Variants in ANKFN1 observed in about 807,000 individuals in gnomAD.
ANKFN1 encodes the protein ankyrin repeat and fibronectin type-III domain-containing protein 1.
ANKFN1 carries 74 observed loss-of-function variants against 108.7 expected under a neutral mutation model. The ratio of observed to expected loss-of-function variants is 0.68; its 90% confidence interval spans 0.56 to 0.83. The LOEUF is 0.83. Among genes scored for constraint, ANKFN1 ranks in the 40% least tolerant of loss-of-function variants. The pLI, the probability that ANKFN1 is intolerant of heterozygous loss-of-function variation, is 0.00. For missense variants in ANKFN1, 1,505 were observed against 1,382.3 expected (o/e 1.09, Z -1.41); for synonymous variants, 547 against 516.2 (o/e 1.06, Z -0.81).
At position 56,374,781 on chromosome 17, in the gene ANKFN1, A is replaced by G. The variant is rs142319233; in HGVS notation, c.910+67A>G. On this transcript the variant is annotated intron_variant, in intron 8 of 20. Transcript: ENST00000682825. The stretch of plus-strand genomic sequence containing the variant: ...AAGCATCTGCTGTTTGAGAATCAAT[A>G]GTGCATTTTGTGTGTTTGTTTTTCC... The G allele has an allele frequency of 5.4e-6, 7 of 1,287,516 alleles. 1 individual carries two copies. Among genetic ancestry groups the G allele is most frequent in the Middle Eastern group, 1.9e-4 (1 of 5,358 alleles). 79.8% of individuals were successfully genotyped at this position (1,287,516 alleles called of 1,614,324 possible). A position where few individuals can be genotyped will look rare whatever the true frequency, so the allele number is the denominator to read the frequency against.
intron 8 of ANKFN1, among the ~76,000 whole-genome samples, chr17:56,408,439 C>G (rs1488898021): frequency 6.6e-6 from 1 of 152,068 alleles, no homozygotes; most frequent in African/African-American, 2.4e-5. Context: ...AAATTACTAG[C>G]AGTGGATTAG....
chr17:56,189,983 T>A (rs1912725907), intron 1 of ANKFN1, among the ~76,000 whole-genome samples: 1 of 130,842 alleles, frequency 7.6e-6, no homozygotes, highest in African/African-American at 3.0e-5. Context: ...CTGGGACAAC[T>A]GGACATCCAT....
At chr17:56,144,382 G>T (rs1908128501) in intron 4 of ANKFN1, among the ~76,000 whole-genome samples, 1 of 151,808 alleles carries the variant, frequency 6.6e-6, no homozygotes, top group South Asian at 2.1e-4. Flanking sequence ...TAGAACTATT[G>T]GGTGATGGGA....
intron 1 of ANKFN1, among the ~76,000 whole-genome samples, chr17:56,203,860 T>C (rs1253046638): frequency 6.6e-6 from 1 of 152,154 alleles, no homozygotes; most frequent in Non-Finnish European, 1.5e-5. Flanking sequence ...CCGGGGCATC[T>C]ATTTTTATTA....
rs536258263 is a variant in ANKFN1 at position 56,422,090 on chromosome 17, A to G, written c.911-18237A>G. On this transcript the variant is annotated intron_variant, in intron 8 of 20. Transcript: ENST00000682825. The stretch of plus-strand genomic sequence containing the variant: ...CAAAGTCTTCTGAAAATAAAAACTA[A>G]TTTTATCCAAATGTATATATAATTT... Among the ~76,000 whole-genome samples the G allele has an allele frequency of 2.8e-3, 419 of 152,300 alleles. 4 individuals are homozygous for G. Among genetic ancestry groups the G allele is most frequent in the South Asian group, 0.022 (106 of 4,828 alleles).
chr17:56,250,451 G>T (rs1239718546), intron 3 of ANKFN1, among the ~76,000 whole-genome samples: 2 of 152,206 alleles, frequency 1.3e-5, no homozygotes, highest in Non-Finnish European at 2.9e-5. Context: ...TTCTTTAACT[G>T]ACATGTTCCT....
At chr17:56,430,531 C>T (rs191328236) in intron 8 of ANKFN1, among the ~76,000 whole-genome samples, 109 of 151,720 alleles carry the variant, frequency 7.2e-4, no homozygotes, top group Non-Finnish European at 2.7e-4. Context: ...CACACACACA[C>T]ACACACAAAG....
intron 8 of ANKFN1, among the ~76,000 whole-genome samples, chr17:56,422,431 G>A (rs1247505895): frequency 6.6e-6 from 1 of 151,294 alleles, no homozygotes; most frequent in African/African-American, 2.4e-5. Context: ...CACCCCTGCT[G>A]CCACCACACA....
At chr17:56,355,325 A>G (rs940370596) in intron 6 of ANKFN1, among the ~76,000 whole-genome samples, 8 of 152,168 alleles carry the variant, frequency 5.3e-5, no homozygotes, top group Non-Finnish European at 7.3e-5. Flanking sequence ...AGAAGATATG[A>G]AGGAATGAAC....
intron 17 of ANKFN1, 82 bp from the exon 18 acceptor site, chr17:56,482,274 T>C: frequency 8.0e-7 from 1 of 1,246,378 alleles, no homozygotes; most frequent in Non-Finnish European, 1.1e-6. Flanking sequence ...TTTTGTGAGA[T>C]GTTTTATGCC....
intron 3 of ANKFN1, among the ~76,000 whole-genome samples, chr17:56,310,748 T>TTG (rs71137198): frequency 0.29 from 43,142 of 150,078 alleles, 6,441 homozygotes; most frequent in Middle Eastern, 0.51. Flanking sequence ...CACAATTACT[T>TTG]TGTGTGTGTG....
chr17:56,425,593 T>C (rs1374177199), intron 8 of ANKFN1, among the ~76,000 whole-genome samples: 1 of 152,234 alleles, frequency 6.6e-6, no homozygotes, highest in African/African-American at 2.4e-5. Context: ...TCTCTTCTCC[T>C]GTTCCTTGTA....
chr17:56,491,526 TG>T (rs2051039165), intron 18 of ANKFN1, among the ~76,000 whole-genome samples: 1 of 152,204 alleles, frequency 6.6e-6, no homozygotes, highest in Non-Finnish European at 1.5e-5. Context: ...CTCTTTCCTG[TG>T]ATATCTGTCC....
chr17:56,305,445 C>T (rs1318768166), intron 3 of ANKFN1, among the ~76,000 whole-genome samples: 2 of 152,166 alleles, frequency 1.3e-5, no homozygotes, highest in Non-Finnish European at 2.9e-5. Context: ...TATGTATCCT[C>T]TTCAGTGAAA....
chr17:56,271,727 A>G lies in ANKFN1; in HGVS notation c.53+43770A>G, dbSNP rs184522297. Among the ~76,000 whole-genome samples the G allele has an allele frequency of 1.7e-3, 260 of 151,570 alleles. 1 individual carries two copies. The highest frequency in any genetic ancestry group is 5.8e-3 in the African/African-American group (238 of 40,844). The stretch of plus-strand genomic sequence containing the variant: ...TTGGAATATTAGAAGGCTTGATGCT[A>G]TAAGACAAGTTGGGACATGGACCTG... On this transcript the variant is annotated intron_variant, in intron 3 of 20. Transcript: ENST00000682825.
intron 3 of ANKFN1, among the ~76,000 whole-genome samples, chr17:56,293,032 A>G (rs1210128592): frequency 6.6e-6 from 1 of 152,202 alleles, no homozygotes; most frequent in East Asian, 1.9e-4. Flanking sequence ...ATGGTCATCA[A>G]TTTTATGACT....
rs556675229 is a variant in ANKFN1 at position 56,417,786 on chromosome 17, A to G, written c.911-22541A>G. Among the ~76,000 whole-genome samples the G allele has an allele frequency of 2.7e-3, 411 of 152,332 alleles. 1 individual carries two copies. Among genetic ancestry groups the G allele is most frequent in the African/African-American group, 9.2e-3 (384 of 41,568 alleles). On this transcript the variant is annotated intron_variant, in intron 8 of 20. Transcript: ENST00000682825. ...CTTCCTATTCCATCATGTTGCTGAC[A>G]TCACTCTAGACTTTCCATTTTTTTG...
chr17:56,228,109 A>G lies in ANKFN1; in HGVS notation c.53+152A>G, dbSNP rs549415350. On this transcript the variant is annotated intron_variant, in intron 3 of 20. Coordinates refer to ENST00000682825, the MANE Select transcript of ANKFN1 (RefSeq NM_001370326.1). The stretch of plus-strand genomic sequence containing the variant: ...CTAACATTTCATACTATTGATTTGT[A>G]TAACATCATGGAACATTTCAGAAAC... The G allele has an allele frequency of 4.8e-6, 3 of 630,282 alleles. No individual in the cohort carries two copies. The South Asian group carries it at 7.1e-5, about 15-fold the overall frequency. The allele number at this position is 630,282 out of a possible 1,614,324, so 39.0% of individuals were successfully genotyped here.
intron 3 of ANKFN1, among the ~76,000 whole-genome samples, chr17:56,315,259 T>C (rs556534421): frequency 1.3e-5 from 2 of 152,304 alleles, no homozygotes; most frequent in East Asian, 3.9e-4. Flanking sequence ...CTCTCTTTCT[T>C]TAAGAATTAA....
Sources: allele counts gnomAD v4.1 joint callset (sites outside exome capture counted in the v4.1 genomes callset), GRCh38; gene constraint gnomAD v4.1.1; transcripts MANE v1.5; gene names NCBI Gene and HGNC (gene_info 2026-07-23, HGNC 2026-07-21).